The following AXIN1 variants were observed in gnomAD, a reference collection of about 807,000 sequenced individuals.
The protein encoded by AXIN1 is axin 1, also known as axin-1.
In AXIN1, 30 loss-of-function variants were observed where a neutral mutation model predicts 76.4. The observed-to-expected ratio is 0.39, with a 90% CI of 0.29 to 0.53. The LOEUF is 0.53. Among genes scored for constraint, AXIN1 ranks in the 20% least tolerant of loss-of-function variants. The pLI is 0.66. For synonymous variants in AXIN1, 545 were observed against 501.4 expected (o/e 1.09, Z -1.16); for missense variants, 1,140 against 1,198.8 (o/e 0.95, Z 0.72).
At position 324,081 on chromosome 16, in the gene AXIN1, A is replaced by C. The variant is rs577747552; in HGVS notation, c.879-9398T>G. On this transcript the variant is annotated intron_variant, in intron 2 of 10. Coordinates refer to ENST00000262320, the MANE Select transcript of AXIN1 (RefSeq NM_003502.4). The stretch of plus-strand genomic sequence containing the variant: ...CAGACCATGGGGAGCCCAGTGCAGG[A>C]GAGCCCTGCAGCCCACAAGAGTCAC... Among the ~76,000 whole-genome samples, 37 of 152,304 alleles carry C rather than the reference A, an allele frequency of 2.4e-4. 1 individual carries two copies. In the South Asian group the frequency reaches 6.2e-3, roughly 26 times the overall value.
chr16:299,109 G>C, intron 5 of AXIN1: 1 of 985,400 alleles, frequency 1.0e-6, no homozygotes, highest in Non-Finnish European at 1.2e-6. Flanking sequence ...AACGGCTCTT[G>C]GGTTATGTAC....
At position 293,224 on chromosome 16, in the gene AXIN1, G is replaced by T. The variant is rs930276247; in HGVS notation, c.2186+264C>A. 2 of 551,500 alleles carry T rather than the reference G, an allele frequency of 3.6e-6. No homozygotes were observed. The highest frequency in any genetic ancestry group is 6.5e-6 in the Non-Finnish European group (2 of 306,914). The allele number at this position is 551,500 out of a possible 1,614,324, so 34.2% of individuals were successfully genotyped here. A position where few individuals can be genotyped will look rare whatever the true frequency, so the allele number is the denominator to read the frequency against. On this transcript the variant is annotated intron_variant, in intron 8 of 10. Transcript: ENST00000262320. This position sits in a 1 kb window ranked among gnomAD's most constrained non-coding sequence, Gnocchi z 4.6. ...GCAGCCTCCCTGCAGACTGGGCTCAGGTTGAGGAGGGACCCCGCCTCCAGA... is the reference window on the plus strand; with the variant it reads ...GCAGCCTCCCTGCAGACTGGGCTCATGTTGAGGAGGGACCCCGCCTCCAGA...
chr16:316,296 C>G (rs1287032943), intron 2 of AXIN1, among the ~76,000 whole-genome samples: 1 of 152,170 alleles, frequency 6.6e-6, no homozygotes, highest in African/African-American at 2.4e-5. Context: ...CTAGCTCACT[C>G]CTTCACATCA....
Position 336,878 on chromosome 16 carries a change from A to T in AXIN1, c.878+9270T>A, listed in dbSNP as rs568934614. On this transcript the variant is annotated intron_variant, in intron 2 of 10. Coordinates refer to ENST00000262320, the MANE Select transcript of AXIN1 (RefSeq NM_003502.4). Reference sequence around the variant, plus strand: ...ACTTAACCAGGTGTGGGCCAGGCACAGTGGCTCACGCCTGTAATCCCAGCA... The same window carrying T: ...ACTTAACCAGGTGTGGGCCAGGCACTGTGGCTCACGCCTGTAATCCCAGCA... 3.3e-5 allele frequency among the ~76,000 whole-genome samples: 5 copies of T among 150,484 alleles called. No individual in the cohort carries two copies. In the South Asian group the frequency reaches 1.1e-3, roughly 32 times the overall value.
intron 2 of AXIN1, among the ~76,000 whole-genome samples, chr16:341,104 G>A (rs1283887467): frequency 6.6e-6 from 1 of 152,266 alleles, no homozygotes; most frequent in African/African-American, 2.4e-5. Context: ...CAGCGTGCTG[G>A]CAGTCCTCAC....
At chr16:309,471 C>T (rs2053117116) in intron 4 of AXIN1, among the ~76,000 whole-genome samples, 1 of 152,218 alleles carries the variant, frequency 6.6e-6, no homozygotes, top group Non-Finnish European at 1.5e-5. Flanking sequence ...TACTGCCCAG[C>T]CAAGCCCCCA....
chr16:307,040 G>T (rs965276825), intron 4 of AXIN1, among the ~76,000 whole-genome samples: 1 of 152,264 alleles, frequency 6.6e-6, no homozygotes, highest in Non-Finnish European at 1.5e-5. Context: ...TGGGCAAGGC[G>T]CAGACGTGGG....
intron 4 of AXIN1, among the ~76,000 whole-genome samples, chr16:307,037 G>C (rs758085638): frequency 1.3e-5 from 2 of 152,268 alleles, no homozygotes; most frequent in Non-Finnish European, 1.5e-5. Flanking sequence ...TGCTGGGCAA[G>C]GCGCAGACGT....
chr16:339,953 G>T (rs1350648638), intron 2 of AXIN1, among the ~76,000 whole-genome samples: 1 of 151,982 alleles, frequency 6.6e-6, no homozygotes, highest in Non-Finnish European at 1.5e-5. Context: ...CAGCACCACC[G>T]CCTGAGGTCC....
At chr16:344,228 G>A (rs1450727951) in intron 2 of AXIN1, among the ~76,000 whole-genome samples, 6 of 151,808 alleles carry the variant, frequency 4.0e-5, no homozygotes, top group Admixed American at 2.0e-4. Context: ...TCAGGAGATC[G>A]AGACCATCCT....
At chr16:323,717 C>T (rs1298055942) in intron 2 of AXIN1, among the ~76,000 whole-genome samples, 3 of 151,698 alleles carry the variant, frequency 2.0e-5, no homozygotes, top group Non-Finnish European at 2.9e-5. Context: ...GGAGGCGGAG[C>T]TTGCAGTGAG....
intron 10 of AXIN1, 150 bp from the exon 11 acceptor site, chr16:288,398 G>T: frequency 8.5e-7 from 1 of 1,178,686 alleles, no homozygotes; most frequent in Non-Finnish European, 1.2e-6. Context: ...CCCTCCCAGG[G>T]CAACAGTGAA....
chr16:297,158 T>G lies in AXIN1; in HGVS notation c.1853A>C (p.Glu618Ala), dbSNP rs1474217380. The change falls in exon 7 of 11, where the codon GAG becomes GCG. Residue 618 changes from glutamate (E) to alanine (A), a missense_variant. This residue lies in a region of AXIN1 where 429 missense variants were observed against 405.8 expected (regional missense o/e 1.06). Transcript: ENST00000262320. ...CGCATCCTCCGAGGCACCTGGCACC[T>G]CGGTGCTGGCGCTCTTCCCCGACTC... ...KAESGKSAST[E>A]VPGASEDAEK... is the part of the protein sequence containing the mutation. 2 of 1,612,102 alleles carry G rather than the reference T, an allele frequency of 1.2e-6. No individual in the cohort carries two copies. Among genetic ancestry groups the G allele is most frequent in the Non-Finnish European group, 1.7e-6 (2 of 1,179,954 alleles).
At chr16:313,858 G>GA (rs1314010121) in intron 3 of AXIN1, among the ~76,000 whole-genome samples, 1 of 152,248 alleles carries the variant, frequency 6.6e-6, no homozygotes, top group Non-Finnish European at 1.5e-5. Context: ...CCTGGACAAT[G>GA]AAAGAATAAG....
At chr16:299,383 C>G (rs909729590) in intron 5 of AXIN1, among the ~76,000 whole-genome samples, 1 of 152,136 alleles carries the variant, frequency 6.6e-6, no homozygotes, top group Non-Finnish European at 1.5e-5. Context: ...GAGTCAGAGT[C>G]GCTCTGTCAG....
intron 2 of AXIN1, among the ~76,000 whole-genome samples, chr16:341,347 G>A (rs559685723): frequency 7.9e-5 from 12 of 152,372 alleles, no homozygotes; most frequent in Admixed American, 2.6e-4. Context: ...TGGTGGGCCC[G>A]GCACTCAGAG....
chr16:290,017 A>G (rs1043505809), intron 9 of AXIN1: 1 of 294,432 alleles, frequency 3.4e-6, no homozygotes, highest in Non-Finnish European at 6.6e-6. Context: ...TTTCTGGATA[A>G]GCCTGACCCC....
chr16:351,972 C>T (rs1373936140), intron 1 of AXIN1, among the ~76,000 whole-genome samples: 2 of 152,108 alleles, frequency 1.3e-5, no homozygotes, highest in Non-Finnish European at 2.9e-5. Flanking sequence ...CTGGAGGGTA[C>T]GGACGCCGGA....
intron 3 of AXIN1, among the ~76,000 whole-genome samples, chr16:313,931 C>T (rs1421275985): frequency 6.6e-6 from 1 of 152,244 alleles, no homozygotes; most frequent in East Asian, 1.9e-4. Flanking sequence ...ACCACAGCAT[C>T]TTCCCTCACT....
Sources: gnomAD v4.1 joint callset for allele counts (sites outside exome capture counted in the v4.1 genomes callset) on GRCh38, gnomAD v4.1.1 for gene constraint, gnomAD v4.1.1 regional missense constraint, Gnocchi (gnomAD v3.1) non-coding constraint, MANE v1.5 for transcripts, NCBI Gene and HGNC (gene_info 2026-07-23, HGNC 2026-07-21) for gene names.